ARHGEF9: variants seen among roughly 807,000 people sequenced by gnomAD.
ARHGEF9 encodes rho guanine nucleotide exchange factor 9.
Under a neutral mutation model 41.3 loss-of-function variants are expected in ARHGEF9, and 2 were observed. The observed-to-expected ratio is 0.05, with a 90% CI of 0.02 to 0.15. The LOEUF (loss-of-function observed/expected upper bound fraction) is 0.15, where lower values mean the gene tolerates loss of function less well. Among genes scored for constraint, ARHGEF9 ranks in the 10% least tolerant of loss-of-function variants. The probability of loss-of-function intolerance (pLI) is 1.00; values close to 1 mark genes in which losing one functional copy is unlikely to be tolerated. For missense variants in ARHGEF9, 225 were observed against 424.7 expected (o/e 0.53, Z 4.13); for synonymous variants, 160 against 154.4 (o/e 1.04, Z -0.27).
chrX:63,714,004 A>G (rs1556408591), intron 2 of ARHGEF9, among the ~76,000 whole-genome samples: 1 of 112,028 alleles, frequency 8.9e-6, no homozygotes, highest in Non-Finnish European at 1.9e-5. Flanking sequence ...AGCTTCAACC[A>G]GAGCAATGAA....
At chrX:63,773,025 C>G (rs782804455) in intron 1 of ARHGEF9, among the ~76,000 whole-genome samples, 1 of 111,395 alleles carries the variant, frequency 9.0e-6, no homozygotes, top group Admixed American at 9.6e-5. Context: ...CTAGGATGAC[C>G]CTTTGACAGT....
At chrX:63,757,635 C>A (rs1331590654) in intron 1 of ARHGEF9, among the ~76,000 whole-genome samples, 1 of 111,525 alleles carries the variant, frequency 9.0e-6, no homozygotes, top group Non-Finnish European at 1.9e-5. Context: ...TTGTCCCTTT[C>A]TCTCTTCCTG....
chrX:63,669,166 G>A (rs2049782219), intron 6 of ARHGEF9, among the ~76,000 whole-genome samples: 2 of 111,851 alleles, frequency 1.8e-5, no homozygotes, highest in South Asian at 7.5e-4. Context: ...CCCTCTCATT[G>A]TTTAGAGATC....
chrX:63,652,916 GCTCT>G (rs1360051678), intron 8 of ARHGEF9, among the ~76,000 whole-genome samples: 2 of 109,978 alleles, frequency 1.8e-5, no homozygotes, highest in Admixed American at 1.9e-4. Context: ...CTTCCCTCTT[GCTCT>G]CTCTCTCTCC....
chrX:63,773,191 A>G (rs1316551065), intron 1 of ARHGEF9, among the ~76,000 whole-genome samples: 5 of 112,245 alleles, frequency 4.5e-5, no homozygotes, highest in Admixed American at 2.8e-4. Flanking sequence ...TCAGCATCAT[A>G]TGAAAACTTT....
intron 8 of ARHGEF9, among the ~76,000 whole-genome samples, chrX:63,649,473 C>T (rs1238341539): frequency 9.0e-6 from 1 of 111,028 alleles, no homozygotes; most frequent in African/African-American, 3.3e-5. Context: ...ACTAAATGCC[C>T]ACAAGAGAAA....
At chrX:63,675,704 T>C (rs782558392) in intron 5 of ARHGEF9, among the ~76,000 whole-genome samples, 1 of 112,152 alleles carries the variant, frequency 8.9e-6, no homozygotes, top group East Asian at 2.8e-4. Flanking sequence ...GTCTCAGACG[T>C]GTAACCCTTG....
chrX:63,718,677 C>T (rs782819660), intron 2 of ARHGEF9, among the ~76,000 whole-genome samples: 1 of 112,075 alleles, frequency 8.9e-6, no homozygotes, highest in African/African-American at 3.2e-5. Flanking sequence ...TACCATCTTC[C>T]TATTGAAAAA....
At chrX:63,701,308 A>G (rs1420792436) in intron 3 of ARHGEF9, among the ~76,000 whole-genome samples, 8 of 110,865 alleles carry the variant, frequency 7.2e-5, no homozygotes, top group African/African-American at 2.0e-4. Context: ...ACATCGAAAA[A>G]GATGTCCATG....
chrX:63,635,285 G>C lies in ARHGEF9; in HGVS notation c.*2743C>G, dbSNP rs1250232180. The C allele has an allele frequency of 3.9e-6, 2 of 515,336 alleles. No individual in the cohort carries two copies. The highest frequency in any genetic ancestry group is 3.5e-6 in the Non-Finnish European group (1 of 283,739). 42.5% of individuals were successfully genotyped at this position (515,336 alleles called of 1,213,427 possible). ...CCATTAGAAATATACACATAGAGAG[G>C]GGGGGAAAAAGAGAGAATAATTAGA... is the stretch of plus-strand genomic sequence containing the variant. On this transcript the variant is annotated 3_prime_UTR_variant, in exon 10 of 10. Transcript: ENST00000671741.
intron 3 of ARHGEF9, 73 bp from the exon 4 acceptor site, chrX:63,697,377 A>C: frequency 1.0e-6 from 1 of 999,810 alleles, no homozygotes; most frequent in Non-Finnish European, 1.4e-6. Context: ...CTAAGCACTT[A>C]AGAGCCTCAT....
chrX:63,643,729 AAAG>A (rs2047800724), intron 9 of ARHGEF9, among the ~76,000 whole-genome samples: 1 of 111,236 alleles, frequency 9.0e-6, no homozygotes, highest in Non-Finnish European at 1.9e-5. Context: ...AAAAAAAAAA[AAAG>A]AGGAACAGAG....
chrX:63,717,866 G>A (rs1556411143), intron 2 of ARHGEF9, among the ~76,000 whole-genome samples: 1 of 111,509 alleles, frequency 9.0e-6, no homozygotes, highest in African/African-American at 3.3e-5. Context: ...GCTAATAAAT[G>A]GAAAGGCTCT....
chrX:63,640,512 T>A (rs2047557660), intron 9 of ARHGEF9: 1 of 112,331 alleles, frequency 8.9e-6, no homozygotes, highest in African/African-American at 3.2e-5. Context: ...CTCATAGCCA[T>A]GGGGAGCTCT....
chrX:63,674,184 G>T lies in ARHGEF9; in HGVS notation c.816-17C>A. ...CTGTAGTCACTGTGAAAACAAAAGA[G>T]TGCAAGTTGAACCAACCAATGTGCC... On this transcript the variant is annotated splice_polypyrimidine_tract_variant and intron_variant, in intron 5 of 9. Coordinates refer to ENST00000671741, the MANE Select transcript of ARHGEF9 (RefSeq NM_001353921.2). The T allele has an allele frequency of 8.3e-7, 1 of 1,209,308 alleles. No homozygotes were observed. The highest frequency in any genetic ancestry group is 1.1e-6 in the Non-Finnish European group (1 of 894,234).
chrX:63,639,188 G>A (rs1206717304), intron 9 of ARHGEF9, among the ~76,000 whole-genome samples: 1 of 111,598 alleles, frequency 9.0e-6, no homozygotes, highest in Non-Finnish European at 1.9e-5. Context: ...TGATGACTAA[G>A]TCCCTTTGCC....
intron 3 of ARHGEF9, among the ~76,000 whole-genome samples, chrX:63,704,707 A>G (rs1556399460): frequency 8.9e-6 from 1 of 112,580 alleles, no homozygotes; most frequent in African/African-American, 3.2e-5. Context: ...GCTATAATGA[A>G]GCCCATTGGA....
rs2056442224 is a variant in ARHGEF9, at chrX:63,785,176, C to A, written c.-31G>T. 4.3e-6 allele frequency: 5 copies of A among 1,159,522 alleles called. No homozygotes were observed. The highest frequency in any genetic ancestry group is 4.6e-6 in the Non-Finnish European group (4 of 868,985). ...TTGCGAAGTCCGGCTTCTCTGAGGC[C>A]CCGTAGCTGGCGCGAGTTGTCGCGG... On this transcript the variant is annotated 5_prime_UTR_variant, in exon 1 of 10. Coordinates refer to ENST00000671741, the MANE Select transcript of ARHGEF9 (RefSeq NM_001353921.2).
At chrX:63,648,038 C>A (rs1340370855) in intron 8 of ARHGEF9, among the ~76,000 whole-genome samples, 5 of 111,320 alleles carry the variant, frequency 4.5e-5, no homozygotes, top group African/African-American at 1.6e-4. Flanking sequence ...AGGATAGTAT[C>A]CAGGAGAACT....
Sources: allele counts gnomAD v4.1 joint callset (sites outside exome capture counted in the v4.1 genomes callset), GRCh38; gene constraint gnomAD v4.1.1; transcripts MANE v1.5; gene names NCBI Gene and HGNC (gene_info 2026-07-23, HGNC 2026-07-21).